The following TIGIT variants were observed in gnomAD, a reference collection of about 807,000 sequenced individuals.
TIGIT encodes T cell immunoreceptor with Ig and ITIM domains, also known as T-cell immunoreceptor with Ig and ITIM domains.
A neutral mutation model predicts 19.6 loss-of-function variants in TIGIT; 11 were observed. That is an observed-to-expected ratio of 0.56 (90% CI 0.35 to 0.93). TIGIT has a LOEUF of 0.93. Among genes scored for constraint, TIGIT ranks in the 40% least tolerant of loss-of-function variants. The pLI, the probability that TIGIT is intolerant of heterozygous loss-of-function variation, is 0.01. For missense variants in TIGIT, 295 were observed against 303.9 expected (o/e 0.97, Z 0.22); for synonymous variants, 130 against 125.5 (o/e 1.04, Z -0.24).
In TIGIT at chr3:114,308,218, C is replaced by CGCGT; in HGVS notation, c.*88_*89insCGTG. On this transcript the variant is annotated 3_prime_UTR_variant, in exon 4 of 4. Coordinates refer to ENST00000383671, the MANE Select transcript of TIGIT (RefSeq NM_173799.4). ...GCAGCTGTACTCTCCATCAGTGCTG[C>CGCGT]GTGTGTGTGTGTGTGTGTATGTGTG... The CGCGT allele has an allele frequency of 1.2e-6, 1 of 826,614 alleles. No homozygotes were observed. The highest frequency in any genetic ancestry group is 1.6e-5 in the South Asian group (1 of 62,330). 51.2% of individuals were successfully genotyped at this position (826,614 alleles called of 1,614,324 possible).
chr3:114,294,743 T>C (rs2078442330), intron 1 of TIGIT, among the ~76,000 whole-genome samples: 1 of 152,188 alleles, frequency 6.6e-6, no homozygotes, highest in Non-Finnish European at 1.5e-5. Flanking sequence ...AGGGTGGTTA[T>C]GCCTGGGAGA....
chr3:114,294,213 G>T, intron 1 of TIGIT, 91 bp downstream of exon 1: 1 of 985,984 alleles, frequency 1.0e-6, no homozygotes, highest in South Asian at 1.6e-5. Flanking sequence ...AAGACTCCAA[G>T]AGCATGCCAC....
intron 3 of TIGIT, among the ~76,000 whole-genome samples, chr3:114,300,068 A>G (rs1453301782): frequency 2.6e-5 from 4 of 152,122 alleles, no homozygotes; most frequent in African/African-American, 9.7e-5. Context: ...AGCTCTTTTG[A>G]TTATTACAAC....
intron 3 of TIGIT, among the ~76,000 whole-genome samples, chr3:114,303,575 A>G (rs1484842547): frequency 0.032 from 157 of 4,976 alleles, 1 homozygote; most frequent in African/African-American, 0.048. Flanking sequence ...ATATATATGT[A>G]TATATATATA....
intron 3 of TIGIT, among the ~76,000 whole-genome samples, chr3:114,303,564 C>T (rs1232415777): frequency 3.6e-4 from 2 of 5,490 alleles, no homozygotes; most frequent in African/African-American, 6.3e-4. Context: ...TATATATATA[C>T]ATATATATGT....
rs767849857 is a variant in TIGIT, at chr3:114,309,584, A to G, written c.*1453A>G. On this transcript the variant is annotated 3_prime_UTR_variant, in exon 4 of 4. Coordinates refer to ENST00000383671, the MANE Select transcript of TIGIT (RefSeq NM_173799.4). ...GGATTTTTATTATTATTATTTTTTC[A>G]CTTTTCTACCAAATGGGTTACATAG... is the stretch of plus-strand genomic sequence containing the variant. 1.3e-5 allele frequency: 2 copies of G among 152,174 alleles called. No individual in the cohort carries two copies. The highest frequency in any genetic ancestry group is 2.4e-5 in the African/African-American group (1 of 41,442). 9.4% of individuals were successfully genotyped at this position (152,174 alleles called of 1,614,324 possible).
intron 1 of TIGIT, among the ~76,000 whole-genome samples, chr3:114,295,220 C>T (rs946844798): frequency 1.3e-5 from 2 of 152,028 alleles, no homozygotes; most frequent in Admixed American, 1.3e-4. Context: ...GGGCAGAAGT[C>T]AGCTCTGGAA....
Position 114,308,218 on chromosome 3 carries a change from CGTGTGTGTGTGTGTGTGTATGT to C in TIGIT, c.*98_*119del, listed in dbSNP as rs1560035615. On this transcript the variant is annotated 3_prime_UTR_variant, in exon 4 of 4. Transcript: ENST00000383671. ...GCAGCTGTACTCTCCATCAGTGCTG[CGTGTGTGTGTGTGTGTGTATGT>C]GTGTGTGTGTTCAGTTGAGTGAATA... 1.4e-6 allele frequency: 1 copy of C among 737,352 alleles called. No homozygotes were observed. The highest frequency in any genetic ancestry group is 1.7e-5 in the African/African-American group (1 of 57,180). The allele number at this position is 737,352 out of a possible 1,614,324, so 45.7% of individuals were successfully genotyped here. A position where few individuals can be genotyped will look rare whatever the true frequency, so the allele number is the denominator to read the frequency against.
chr3:114,305,864 G>A (rs62265720), intron 3 of TIGIT, among the ~76,000 whole-genome samples: 76 of 145,128 alleles, frequency 5.2e-4, no homozygotes, highest in Non-Finnish European at 4.8e-4. Flanking sequence ...ATGGATGGAT[G>A]GATAGATAGA....
Position 114,299,645 on chromosome 3 carries a change from C to A in TIGIT, c.440C>A (p.Ala147Asp). 1 of 1,613,402 alleles carries A rather than the reference C, an allele frequency of 6.2e-7. No homozygotes were observed. The highest frequency in any genetic ancestry group is 8.5e-7 in the Non-Finnish European group (1 of 1,179,978). Residue 147 changes from alanine (A) to aspartate (D), a missense_variant, in exon 3 of 4, where the codon GCC (alanine) becomes GAC (aspartate). Coordinates refer to ENST00000383671, the MANE Select transcript of TIGIT (RefSeq NM_173799.4). ...RFQIPLLGAM[A>D]ATLVVICTAV... ...CAGATTCCATTGCTTGGAGCCATGG[C>A]CGCGACGCTGGTGGTCATCTGCACA...
chr3:114,295,562 A>G lies in TIGIT; in HGVS notation c.79A>G (p.Ile27Val), dbSNP rs775439016. 5 of 1,613,802 alleles carry G rather than the reference A, an allele frequency of 3.1e-6. No individual in the cohort carries two copies. The highest frequency in any genetic ancestry group is 1.7e-5 in the Admixed American group (1 of 60,020). Residue 27 changes from isoleucine (I) to valine (V), a missense_variant, in exon 2 of 4, where the codon ATA becomes GTA. Coordinates refer to ENST00000383671, the MANE Select transcript of TIGIT (RefSeq NM_173799.4). ...TTCCCTAGGAATGATGACAGGCACA[A>G]TAGAAACAACGGGGAACATTTCTGC... ...PLASGMMTGT[I>V]ETTGNISAEK...
At chr3:114,304,734 AG>A (rs2078519652) in intron 3 of TIGIT, among the ~76,000 whole-genome samples, 2 of 152,322 alleles carry the variant, frequency 1.3e-5, no homozygotes, top group Admixed American at 1.3e-4. Context: ...GGGGAGGCAG[AG>A]GCAGGGCCCA....
At chr3:114,295,435 CTA>C in intron 1 of TIGIT, 108 bp from the exon 2 acceptor site, 1 of 794,868 alleles carries the variant, frequency 1.3e-6, no homozygotes. Context: ...ACTGGAGAAA[CTA>C]TCATTCCAAA....
chr3:114,295,919 C>T (rs1256016225), intron 2 of TIGIT, 45 bp downstream of exon 2: 5 of 1,479,050 alleles, frequency 3.4e-6, no homozygotes, highest in Non-Finnish European at 3.7e-6. Context: ...CTCCCTCTAG[C>T]ATAGAAAATG....
intron 3 of TIGIT, among the ~76,000 whole-genome samples, chr3:114,303,243 G>A (rs1032661305): frequency 1.2e-4 from 18 of 151,896 alleles, no homozygotes; most frequent in African/African-American, 3.9e-4. Context: ...TGTACCCAGT[G>A]TGTAGTCCTT....
intron 2 of TIGIT, among the ~76,000 whole-genome samples, chr3:114,296,344 C>A (rs2078453593): frequency 6.6e-6 from 1 of 152,186 alleles, no homozygotes; most frequent in Non-Finnish European, 1.5e-5. Context: ...TTCCCAAATG[C>A]CCTCATATTT....
At chr3:114,300,559 C>A (rs2078486072) in intron 3 of TIGIT, among the ~76,000 whole-genome samples, 1 of 152,052 alleles carries the variant, frequency 6.6e-6, no homozygotes, top group South Asian at 2.1e-4. Flanking sequence ...GTCTTCATTT[C>A]CTTATATATA....
chr3:114,307,826 A>G (rs11714612), intron 3 of TIGIT, 69 bp from the exon 4 acceptor site: 439,326 of 1,344,884 alleles, frequency 0.33, 76,340 homozygotes, highest in Middle Eastern at 0.39. Flanking sequence ...GAAGAGAGAG[A>G]TGTCATATTG....
rs758195616 is a variant in TIGIT, at chr3:114,308,117, A to C, written c.721A>C (p.Thr241Pro). The change falls in exon 4 of 4, where the codon ACA (threonine) becomes CCA (proline). Residue 241 changes from threonine (T) to proline (P), a missense_variant. Transcript: ENST00000383671. ...AAGCCTGGGTAACTGCAGCTTCTTC[A>C]CAGAGACTGGTTAGCAACCAGAGGC... is the stretch of plus-strand genomic sequence containing the variant. Reference protein sequence around the residue: ...YRSLGNCSFFTETG With the variant: ...YRSLGNCSFFPETG 5.6e-6 allele frequency: 9 copies of C among 1,614,146 alleles called. No individual in the cohort carries two copies. The highest frequency in any genetic ancestry group is 7.6e-6 in the Non-Finnish European group (9 of 1,180,000).
Sources: allele counts gnomAD v4.1 joint callset (sites outside exome capture counted in the v4.1 genomes callset), GRCh38; gene constraint gnomAD v4.1.1; transcripts MANE v1.5; gene names NCBI Gene and HGNC (gene_info 2026-07-23, HGNC 2026-07-21).